Variants in OR2J3 observed in about 807,000 individuals in gnomAD.
OR2J3 encodes olfactory receptor 2J3.
A neutral mutation model predicts 18.5 loss-of-function variants in OR2J3; 13 were observed. The observed-to-expected ratio is 0.70, with a 90% confidence interval of 0.46 to 1.12. OR2J3 has a LOEUF of 1.12. Among genes scored for constraint, OR2J3 ranks in the 50% most tolerant of loss-of-function variants. The probability of loss-of-function intolerance (pLI) is 0.00; values close to 1 mark genes in which losing one functional copy is unlikely to be tolerated. For missense variants in OR2J3, 321 were observed against 371.6 expected (o/e 0.86, Z 1.12); for synonymous variants, 142 against 140.6 (o/e 1.01, Z -0.07).
chr6:29,111,929 G>A lies in OR2J3; in HGVS notation c.39G>A (p.Gly13=), dbSNP rs757021344. Residue 13 remains glycine (G), a synonymous_variant, in exon 4 of 4, where the codon GGG becomes GGA. Transcript: ENST00000641151. ...GAAAAGTCAATGCTAGCTCTGAGGG[G>A]TACTTTATTTTAGTTGGATTTTCTA... ...DDGKVNASSE[G]YFILVGFSNW... The A allele has an allele frequency of 1.1e-5, 18 of 1,613,546 alleles. No individual in the cohort carries two copies. In the South Asian group the frequency reaches 2.0e-4, roughly 18 times the overall value.
At chr6:29,110,210 T>C (rs766420273) in intron 3 of OR2J3, among the ~76,000 whole-genome samples, 1 of 152,196 alleles carries the variant, frequency 6.6e-6, no homozygotes, top group Non-Finnish European at 1.5e-5. Context: ...TCCCCAGATT[T>C]TTAGCTTAGT....
At chr6:29,110,642 T>G (rs1762087730) in intron 3 of OR2J3, among the ~76,000 whole-genome samples, 1 of 152,148 alleles carries the variant, frequency 6.6e-6, no homozygotes, top group African/African-American at 2.4e-5. Flanking sequence ...TTGATAGTTA[T>G]TTTTCTATAA....
intron 3 of OR2J3, among the ~76,000 whole-genome samples, chr6:29,111,279 A>G (rs560004288): frequency 6.6e-6 from 1 of 152,126 alleles, no homozygotes; most frequent in Admixed American, 6.6e-5. Context: ...AGTTTTTCTC[A>G]TGTGTCTTCA....
In OR2J3 at chr6:29,113,165, A is replaced by C. The variant is rs1762214873; in HGVS notation, c.*339A>C. The C allele has an allele frequency of 4.1e-6, 1 of 242,872 alleles. No individual in the cohort carries two copies. Among genetic ancestry groups the C allele is most frequent in the Non-Finnish European group, 7.9e-6 (1 of 126,570 alleles). 15.0% of individuals were successfully genotyped at this position (242,872 alleles called of 1,614,324 possible). A position where few individuals can be genotyped will look rare whatever the true frequency, so the allele number is the denominator to read the frequency against. The stretch of plus-strand genomic sequence containing the variant: ...AAATCTTGATAAAAGCGAAGCTGTA[A>C]ATCCTATGAAAAGATGATACTCTCA... On this transcript the variant is annotated 3_prime_UTR_variant, in exon 4 of 4. Coordinates refer to ENST00000641151, the MANE Select transcript of OR2J3 (RefSeq NM_001005216.4).
rs1468768575 is a variant in OR2J3 at position 29,113,815 on chromosome 6, TAAAG to T, written c.*993_*996del. The T allele has an allele frequency of 6.6e-5, 10 of 152,298 alleles. No individual in the cohort carries two copies. Among genetic ancestry groups the T allele is most frequent in the African/African-American group, 1.7e-4 (7 of 41,570 alleles). 9.4% of individuals were successfully genotyped at this position (152,298 alleles called of 1,614,324 possible). A position where few individuals can be genotyped will look rare whatever the true frequency, so the allele number is the denominator to read the frequency against. On this transcript the variant is annotated 3_prime_UTR_variant, in exon 4 of 4. Coordinates refer to ENST00000641151, the MANE Select transcript of OR2J3 (RefSeq NM_001005216.4). ...TGTATGTCAATATATGTGTTTCAAA[TAAAG>T]AAATCTATTTTATAGAAGTAATCAT...
At position 29,111,901 on chromosome 6, in the gene OR2J3, A is replaced by T. The variant is rs766364041; in HGVS notation, c.11A>T (p.Asp4Val). MNDDGKVNASSEGY... is the reference protein window; with the variant it reads MNDVGKVNASSEGY... The stretch of plus-strand genomic sequence containing the variant: ...CTCAGGTAATAGGAAATGAATGATG[A>T]TGGAAAAGTCAATGCTAGCTCTGAG... The change falls in exon 4 of 4, where the codon GAT becomes GTT. Residue 4 changes from aspartate (D) to valine (V), a missense_variant. Coordinates refer to ENST00000641151, the MANE Select transcript of OR2J3 (RefSeq NM_001005216.4). The T allele has an allele frequency of 6.2e-7, 1 of 1,608,244 alleles. No homozygotes were observed. The highest frequency in any genetic ancestry group is 8.5e-7 in the Non-Finnish European group (1 of 1,177,558).
Position 29,114,163 on chromosome 6 carries a change from C to G in OR2J3, c.*1337C>G, listed in dbSNP as rs914270698. ...CATTGATTCTGCTGACTTTATCTTC[C>G]TTCTGCATCTCTGACTCTTCCTTTA... On this transcript the variant is annotated 3_prime_UTR_variant, in exon 4 of 4. Transcript: ENST00000641151. 1 of 152,116 alleles carries G rather than the reference C, an allele frequency of 6.6e-6. No homozygotes were observed. The highest frequency in any genetic ancestry group is 2.4e-5 in the African/African-American group (1 of 41,414). The allele number at this position is 152,116 out of a possible 1,614,324, so 9.4% of individuals were successfully genotyped here.
chr6:29,112,256 C>T lies in OR2J3; in HGVS notation c.366C>T (p.Ser122=). 1 of 1,614,128 alleles carries T rather than the reference C, an allele frequency of 6.2e-7. No individual in the cohort carries two copies. The change falls in exon 4 of 4, where the codon TCC becomes TCT. Residue 122 remains serine, a synonymous_variant. Coordinates refer to ENST00000641151, the MANE Select transcript of OR2J3 (RefSeq NM_001005216.4). Reference sequence around the variant, plus strand: ...AGTGTGTCCTACTGGTGGTGATGTCCTATGACCGTTATGCAGCTGTGTGTA... The same window carrying T: ...AGTGTGTCCTACTGGTGGTGATGTCTTATGACCGTTATGCAGCTGTGTGTA... ...TTECVLLVVM[S]YDRYAAVCRP...
At chr6:29,110,837 T>C (rs2150951200) in intron 3 of OR2J3, among the ~76,000 whole-genome samples, 1 of 149,634 alleles carries the variant, frequency 6.7e-6, no homozygotes, top group East Asian at 2.0e-4. Flanking sequence ...TTATATCATC[T>C]ATCAACTATC....
Position 29,112,184 on chromosome 6 carries a change from T to A in OR2J3, c.294T>A (p.Ala98=), listed in dbSNP as rs771397315. ...GCCCGGAAAAGACCATCTCTTATGCTGGTTGCATGATTCAACTTTACTTTG... is the reference window on the plus strand; with the variant it reads ...GCCCGGAAAAGACCATCTCTTATGCAGGTTGCATGATTCAACTTTACTTTG... The part of the protein sequence containing the change: ...LWGPEKTISY[A]GCMIQLYFVL... Residue 98 remains alanine (A), a synonymous_variant, in exon 4 of 4, where the codon GCT becomes GCA. Coordinates refer to ENST00000641151, the MANE Select transcript of OR2J3 (RefSeq NM_001005216.4). The A allele has an allele frequency of 6.2e-7, 1 of 1,614,208 alleles. No homozygotes were observed. The highest frequency in any genetic ancestry group is 8.5e-7 in the Non-Finnish European group (1 of 1,180,028).
intron 3 of OR2J3, among the ~76,000 whole-genome samples, chr6:29,109,276 G>T (rs1762038082): frequency 6.6e-6 from 1 of 152,118 alleles, no homozygotes; most frequent in South Asian, 2.1e-4. Context: ...GATTTTCCTG[G>T]ATGGTTGTTT....
In OR2J3 at chr6:29,113,062, G is replaced by A; in HGVS notation, c.*236G>A. Reference sequence around the variant, plus strand: ...AAAATCAAGATAAAACATCTATAGTGATGTTTTTCCATGGTACAAACCTAA... The same window carrying A: ...AAAATCAAGATAAAACATCTATAGTAATGTTTTTCCATGGTACAAACCTAA... On this transcript the variant is annotated 3_prime_UTR_variant, in exon 4 of 4. Transcript: ENST00000641151. 1 of 513,432 alleles carries A rather than the reference G, an allele frequency of 1.9e-6. No homozygotes were observed. Among genetic ancestry groups the A allele is most frequent in the Non-Finnish European group, 3.4e-6 (1 of 294,720 alleles). 31.8% of individuals were successfully genotyped at this position (513,432 alleles called of 1,614,324 possible).
rs1264480097 is a variant in OR2J3, at chr6:29,108,141, C to G, written c.-335C>G. The G allele has an allele frequency of 6.6e-6, 1 of 152,032 alleles. No individual in the cohort carries two copies. The highest frequency in any genetic ancestry group is 1.5e-5 in the Non-Finnish European group (1 of 68,018). The allele number at this position is 152,032 out of a possible 1,614,324, so 9.4% of individuals were successfully genotyped here. A position where few individuals can be genotyped will look rare whatever the true frequency, so the allele number is the denominator to read the frequency against. On this transcript the variant is annotated 5_prime_UTR_variant, in exon 1 of 4. Coordinates refer to ENST00000641151, the MANE Select transcript of OR2J3 (RefSeq NM_001005216.4). ...ATGTAGTAGATGAGGGAAGTGTAGGCATTTATGTTGGTGATTTCAAGGTGA... is the reference window on the plus strand; with the variant it reads ...ATGTAGTAGATGAGGGAAGTGTAGGGATTTATGTTGGTGATTTCAAGGTGA...
In OR2J3 at chr6:29,112,040, C is replaced by T. The variant is rs752940770; in HGVS notation, c.150C>T (p.Ile50=). Reference sequence around the variant, plus strand: ...TGATAGGAAACCTGTTCATCATCATCCTGTCATACCTGGACTCCCATCTGC... The same window carrying T: ...TGATAGGAAACCTGTTCATCATCATTCTGTCATACCTGGACTCCCATCTGC... The part of the protein sequence containing the change: ...MTLIGNLFII[I]LSYLDSHLHT... The change falls in exon 4 of 4, where the codon ATC becomes ATT. Residue 50 remains isoleucine (I), a synonymous_variant. Transcript: ENST00000641151. 6.2e-7 allele frequency: 1 copy of T among 1,614,082 alleles called. No homozygotes were observed. The highest frequency in any genetic ancestry group is 8.5e-7 in the Non-Finnish European group (1 of 1,180,018).
chr6:29,111,505 T>C (rs1762123858), intron 3 of OR2J3: 3 of 172,756 alleles, frequency 1.7e-5, no homozygotes, highest in African/African-American at 7.1e-5. Flanking sequence ...AACTAGAAAG[T>C]TGTGAGGAGA....
Position 29,112,491 on chromosome 6 carries a change from A to T in OR2J3, c.601A>T (p.Thr201Ser), listed in dbSNP as rs774454965. The change falls in exon 4 of 4, where the codon ACC (threonine) becomes TCC (serine). Residue 201 changes from threonine (T) to serine (S), a missense_variant. Thr to Ser is a moderately conservative substitution (Grantham distance 58). Coordinates refer to ENST00000641151, the MANE Select transcript of OR2J3 (RefSeq NM_001005216.4). ...TGTTGATACCCATGTCAATGAGCTG[A>T]CCCTCATGATCACAAGCTCCATATT... ...SCVDTHVNEL[T>S]LMITSSIFVL... The T allele has an allele frequency of 1.9e-6, 3 of 1,613,980 alleles. No homozygotes were observed. In the South Asian group the frequency reaches 3.3e-5, roughly 18 times the overall value.
chr6:29,110,855 T>C (rs28709039), intron 3 of OR2J3, among the ~76,000 whole-genome samples: 10 of 149,262 alleles, frequency 6.7e-5, no homozygotes, highest in South Asian at 2.1e-4. Flanking sequence ...ATCTATCTAT[T>C]TATCTATCTA....
Position 29,112,548 on chromosome 6 carries a change from T to A in OR2J3, c.658T>A (p.Ser220Thr), listed in dbSNP as rs1301859479. 6.2e-7 allele frequency: 1 copy of A among 1,614,032 alleles called. No homozygotes were observed. Among genetic ancestry groups the A allele is most frequent in the South Asian group, 1.1e-5 (1 of 91,084 alleles). Reference protein sequence around the residue: ...VLIPLILILTSYGAIVRAILR... With the variant: ...VLIPLILILTTYGAIVRAILR... The stretch of plus-strand genomic sequence containing the variant: ...CATACCTCTCATCCTCATTCTCACT[T>A]CTTATGGTGCCATCGTCCGAGCTAT... The change falls in exon 4 of 4, where the codon TCT becomes ACT. Residue 220 changes from serine to threonine, a missense_variant. Transcript: ENST00000641151.
In OR2J3 at chr6:29,110,512, A is replaced by G. The variant is rs757067719; in HGVS notation, c.-10-1369A>G. ...CTGAAAATGCTGAAAAGAAAACTAA[A>G]GTTCCTTATTTATTAACAAAGAAAG... On this transcript the variant is annotated intron_variant, in intron 3 of 3. Transcript: ENST00000641151. Among the ~76,000 whole-genome samples, 127 of 152,168 alleles carry G rather than the reference A, an allele frequency of 8.3e-4. 3 individuals are homozygous for G. Among genetic ancestry groups the G allele is most frequent in the Non-Finnish European group, 1.9e-4 (13 of 68,020 alleles).
Sources: allele counts gnomAD v4.1 joint callset (sites outside exome capture counted in the v4.1 genomes callset), GRCh38; gene constraint gnomAD v4.1.1; transcripts MANE v1.5; gene names NCBI Gene and HGNC (gene_info 2026-07-23, HGNC 2026-07-21).